JAK2: variants seen among roughly 807,000 people sequenced by gnomAD.
JAK2 encodes the protein tyrosine-protein kinase JAK2.
JAK2 carries 86 observed loss-of-function variants against 139.3 expected under a neutral mutation model. The observed-to-expected ratio is 0.62, with a 90% confidence interval of 0.52 to 0.74. The LOEUF is 0.74. Among genes scored for constraint, JAK2 ranks in the 30% least tolerant of loss-of-function variants. JAK2 has a pLI of 0.00. For missense variants in JAK2, 1,421 were observed against 1,360.3 expected (o/e 1.04, Z -0.70); for synonymous variants, 490 against 437.7 (o/e 1.12, Z -1.49).
At chr9:5,072,459 C>T in intron 12 of JAK2, 33 bp from the exon 13 acceptor site, 2 of 1,480,662 alleles carry the variant, frequency 1.4e-6, no homozygotes, top group East Asian at 2.4e-5. Flanking sequence ...TCCATCTTTA[C>T]TCATTCTTTT....
intron 22 of JAK2, chr9:5,101,107 A>C (rs571496242): frequency 2.1e-4 from 32 of 152,436 alleles, no homozygotes; most frequent in African/African-American, 7.5e-4. Flanking sequence ...ACAAGGGGTC[A>C]GGGGATTTCC....
rs548429236 is a variant in JAK2 at position 5,020,719 on chromosome 9, A to G, written c.-25-1244A>G. Among the ~76,000 whole-genome samples the G allele has an allele frequency of 1.6e-4, 25 of 152,252 alleles. 1 individual carries two copies. The South Asian group carries it at 5.0e-3, about 30-fold the overall frequency. ...GCTTGTCCTCAGGGCACATACCAATATATGGCAGCCCTTCTGCTGGGAGCA... is the reference window on the plus strand; with the variant it reads ...GCTTGTCCTCAGGGCACATACCAATGTATGGCAGCCCTTCTGCTGGGAGCA... On this transcript the variant is annotated intron_variant, in intron 2 of 24. Transcript: ENST00000381652.
chr9:5,086,927 AC>A (rs199819458), intron 19 of JAK2, among the ~76,000 whole-genome samples: 2 of 151,436 alleles, frequency 1.3e-5, no homozygotes, highest in African/African-American at 2.4e-5. Context: ...CAATTATATC[AC>A]CCCCCCTTCC....
chr9:5,107,257 T>A (rs1253061417), intron 22 of JAK2, among the ~76,000 whole-genome samples: 2 of 152,106 alleles, frequency 1.3e-5, no homozygotes, highest in Non-Finnish European at 2.9e-5. Flanking sequence ...AACCGACACC[T>A]TACTGGCCCT....
intron 2 of JAK2, among the ~76,000 whole-genome samples, chr9:4,991,959 C>G (rs1266418073): frequency 6.6e-6 from 1 of 152,120 alleles, no homozygotes; most frequent in Non-Finnish European, 1.5e-5. Context: ...TGCTGTGTAA[C>G]AGAAACTACC....
intron 22 of JAK2, chr9:5,113,741 C>A: frequency 5.9e-6 from 1 of 168,118 alleles, no homozygotes; most frequent in South Asian, 1.6e-4. Flanking sequence ...GCCCTCTGGC[C>A]ATTACGCCAT....
chr9:5,059,767 T>A (rs1818027057), intron 8 of JAK2, among the ~76,000 whole-genome samples: 1 of 152,192 alleles, frequency 6.6e-6, no homozygotes, highest in Admixed American at 6.5e-5. Context: ...TGGTAGCTAT[T>A]GTAGTTTTTA....
At chr9:5,034,097 T>G (rs1288120958) in intron 4 of JAK2, among the ~76,000 whole-genome samples, 1 of 152,066 alleles carries the variant, frequency 6.6e-6, no homozygotes, top group Non-Finnish European at 1.5e-5. Flanking sequence ...AATCCTAGTC[T>G]CGGATAAAAC....
rs776219478 is a variant in JAK2, at chr9:5,078,385, A to G, written c.2072A>G (p.Asn691Ser). The G allele has an allele frequency of 1.2e-6, 2 of 1,613,098 alleles. No individual in the cohort carries two copies. Among genetic ancestry groups the G allele is most frequent in the South Asian group, 2.2e-5 (2 of 91,042 alleles). Residue 691 changes from asparagine to serine, a missense_variant, in exon 16 of 25, where the codon AAT becomes AGT. Asn to Ser is a conservative substitution (Grantham distance 46). Coordinates refer to ENST00000381652, the MANE Select transcript of JAK2 (RefSeq NM_004972.4). ...LIREEDRKTG[N>S]PPFIKLSDPG... The stretch of plus-strand genomic sequence containing the variant: ...AGAGAAGAAGACAGGAAGACAGGAA[A>G]TCCTCCTTTCATCAAACTTAGTGAT...
intron 16 of JAK2, among the ~76,000 whole-genome samples, chr9:5,079,984 C>T (rs896971413): frequency 2.0e-5 from 3 of 152,098 alleles, no homozygotes; most frequent in Non-Finnish European, 4.4e-5. Context: ...TGGCTTTGGG[C>T]AGATTACTCA....
chr9:5,064,869 T>C lies in JAK2; in HGVS notation c.1057-14T>C, dbSNP rs1402774991. 1.3e-6 allele frequency: 2 copies of C among 1,513,438 alleles called. No homozygotes were observed. Among genetic ancestry groups the C allele is most frequent in the East Asian group, 4.8e-5 (2 of 41,784 alleles). The allele number at this position is 1,513,438 out of a possible 1,614,324, so 93.8% of individuals were successfully genotyped here. ...TTCTAAAAGGTGCTATTTCTTTTTC[T>C]TTTCTCTGCTTAGGAAATTGAACTT... On this transcript the variant is annotated splice_polypyrimidine_tract_variant and intron_variant, in intron 8 of 24. Coordinates refer to ENST00000381652, the MANE Select transcript of JAK2 (RefSeq NM_004972.4).
At chr9:5,056,285 A>G (rs1352073384) in intron 8 of JAK2, among the ~76,000 whole-genome samples, 2 of 152,100 alleles carry the variant, frequency 1.3e-5, no homozygotes, top group Non-Finnish European at 2.9e-5. Flanking sequence ...CTTTTTTTAA[A>G]TAGCTTCAGA....
In JAK2 at chr9:5,069,190, T is replaced by C; in HGVS notation, c.1495T>C (p.Cys499Arg). The part of the protein sequence containing the change: ...DNIIFQFTKC[C>R]PPKPKDKSNL... Reference sequence around the variant, plus strand: ...TATAATTTTCCAGTTTACTAAATGCTGTCCCCCAAAGCCAAAAGGTAAGAT... The same window carrying C: ...TATAATTTTCCAGTTTACTAAATGCCGTCCCCCAAAGCCAAAAGGTAAGAT... The change falls in exon 11 of 25, where the codon TGT becomes CGT. Residue 499 changes from cysteine (C) to arginine (R), a missense_variant. Coordinates refer to ENST00000381652, the MANE Select transcript of JAK2 (RefSeq NM_004972.4). 6.2e-7 allele frequency: 1 copy of C among 1,605,460 alleles called. No homozygotes were observed. Among genetic ancestry groups the C allele is most frequent in the Non-Finnish European group, 8.5e-7 (1 of 1,177,048 alleles).
chr9:5,078,484 T>C (rs576995326), intron 16 of JAK2, 40 bp downstream of exon 16: 1 of 1,537,232 alleles, frequency 6.5e-7, no homozygotes, highest in Non-Finnish European at 8.9e-7. Flanking sequence ...TACTAAGCTT[T>C]ACTTGGGCAG....
In JAK2 at chr9:5,028,469, T is replaced by C. The variant is rs187837326; in HGVS notation, c.227-1314T>C. Among the ~76,000 whole-genome samples, 581 of 152,336 alleles carry C rather than the reference T, an allele frequency of 3.8e-3. 3 individuals are homozygous for C. Among genetic ancestry groups the C allele is most frequent in the African/African-American group, 0.013 (537 of 41,588 alleles). On this transcript the variant is annotated intron_variant, in intron 3 of 24. Transcript: ENST00000381652. ...AGATTTTCAGAATGGTCAATAAGCA[T>C]TGGCTTCAACTAAAAGTCACTTGTT...
intron 2 of JAK2, among the ~76,000 whole-genome samples, chr9:5,010,941 T>G (rs1821663080): frequency 6.6e-6 from 1 of 152,216 alleles, no homozygotes; most frequent in African/African-American, 2.4e-5. Context: ...TTTCCCCCTC[T>G]CCCTACCAGT....
intron 2 of JAK2, among the ~76,000 whole-genome samples, chr9:5,013,628 A>G (rs77485127): frequency 2.2e-4 from 33 of 152,276 alleles, no homozygotes; most frequent in Middle Eastern, 3.4e-3. Flanking sequence ...CTCCCTGCCA[A>G]TAATGCCCTG....
At chr9:5,024,425 G>C (rs953067964) in intron 3 of JAK2, among the ~76,000 whole-genome samples, 1 of 152,010 alleles carries the variant, frequency 6.6e-6, no homozygotes, top group Non-Finnish European at 1.5e-5. Flanking sequence ...CTGTGTTGGG[G>C]CTCTCATTCA....
At chr9:5,070,140 TA>T in intron 12 of JAK2, 88 bp downstream of exon 12, 1 of 858,732 alleles carries the variant, frequency 1.2e-6, no homozygotes, top group Non-Finnish European at 1.7e-6. Flanking sequence ...ACATTGGAAT[TA>T]TTTTGTTATA....
Sources: gnomAD v4.1 joint callset for allele counts (sites outside exome capture counted in the v4.1 genomes callset) on GRCh38, gnomAD v4.1.1 for gene constraint, MANE v1.5 for transcripts, NCBI Gene and HGNC (gene_info 2026-07-23, HGNC 2026-07-21) for gene names.